Variants in IRAK1BP1 observed in about 807,000 individuals in gnomAD.
IRAK1BP1 encodes the protein interleukin-1 receptor-associated kinase 1-binding protein 1.
IRAK1BP1 carries 24 observed loss-of-function variants against 28.0 expected under a neutral mutation model. The observed-to-expected ratio is 0.86, with a 90% CI of 0.62 to 1.20. IRAK1BP1 has a LOEUF of 1.20. IRAK1BP1 is among the 50% of genes most tolerant of loss of function. IRAK1BP1 has a pLI of 0.00. For synonymous variants in IRAK1BP1, 131 were observed against 116.3 expected, an observed-to-expected ratio of 1.13 and a Z score of -0.81; for missense variants, 336 against 316.7, an observed-to-expected ratio of 1.06 and a Z score of -0.46.
At chr6:78,974,490 T>A in the IRAK1BP1 span, among the ~76,000 whole-genome samples, 1 of 151,256 alleles carries the variant, frequency 6.6e-6, no homozygotes, top group African/African-American at 2.4e-5. Context: ...AGCAAACACA[T>A]TCAAAAGCTA....
chr6:78,926,577 A>C (rs912371153), intron 4 of IRAK1BP1, among the ~76,000 whole-genome samples: 1 of 152,110 alleles, frequency 6.6e-6, no homozygotes, highest in Non-Finnish European at 1.5e-5. Flanking sequence ...AGGAATTTAA[A>C]AATATACAAT....
chr6:78,884,264 C>A (rs1196042926), intron 1 of IRAK1BP1, among the ~76,000 whole-genome samples: 1 of 152,032 alleles, frequency 6.6e-6, no homozygotes, highest in Admixed American at 6.6e-5. Flanking sequence ...GCAACCATGT[C>A]TTCTTCAAAT....
chr6:78,943,729 G>A (rs778918097), intron 4 of IRAK1BP1, among the ~76,000 whole-genome samples: 1 of 152,092 alleles, frequency 6.6e-6, no homozygotes, highest in Non-Finnish European at 1.5e-5. Flanking sequence ...GCTCACATCT[G>A]AAATCACAAT....
At chr6:78,919,625 T>C (rs961970324) in intron 4 of IRAK1BP1, among the ~76,000 whole-genome samples, 5 of 152,000 alleles carry the variant, frequency 3.3e-5, no homozygotes, top group South Asian at 2.1e-4. Flanking sequence ...AAATACAACC[T>C]CCCAAGAGTG....
chr6:78,965,679 A>G, the IRAK1BP1 span: 4 of 1,369,460 alleles, frequency 2.9e-6, no homozygotes, highest in East Asian at 4.6e-5. Context: ...TAATGGAGAA[A>G]CAAAAAGCCT....
intron 1 of IRAK1BP1, among the ~76,000 whole-genome samples, chr6:78,870,537 A>G (rs571717148): frequency 4.9e-4 from 74 of 152,352 alleles, no homozygotes; most frequent in Admixed American, 1.8e-3. Context: ...TGAAACAATA[A>G]GTGAACAAAT....
intron 1 of IRAK1BP1, chr6:78,872,168 C>G (rs1770816427): frequency 2.9e-6 from 2 of 695,934 alleles, no homozygotes; most frequent in Non-Finnish European, 2.6e-6. Context: ...TAGAGTTTCT[C>G]TGCAGGATTA....
chr6:78,909,617 C>G (rs1772352380), intron 4 of IRAK1BP1, among the ~76,000 whole-genome samples: 1 of 152,204 alleles, frequency 6.6e-6, no homozygotes, highest in African/African-American at 2.4e-5. Context: ...CCACATTTCA[C>G]TAGGAGAAGG....
At chr6:78,951,044 G>A (rs759541595), downstream of IRAK1BP1, among the ~76,000 whole-genome samples, 10 of 152,008 alleles carry the variant, frequency 6.6e-5, no homozygotes, top group African/African-American at 9.7e-5. Context: ...TACTGAATTT[G>A]TTTTAATTGA....
chr6:78,927,041 C>T (rs919855639), intron 4 of IRAK1BP1, among the ~76,000 whole-genome samples: 4 of 151,996 alleles, frequency 2.6e-5, no homozygotes, highest in African/African-American at 9.7e-5. Flanking sequence ...ATACTGATTT[C>T]CTTTTTTTTT....
chr6:78,873,287 T>C (rs1770860113), intron 1 of IRAK1BP1, among the ~76,000 whole-genome samples: 2 of 146,280 alleles, frequency 1.4e-5, no homozygotes, highest in South Asian at 4.3e-4. Flanking sequence ...AAAAAGATTG[T>C]AAATAACCTG....
At chr6:78,918,705 A>G (rs1310575560) in intron 4 of IRAK1BP1, among the ~76,000 whole-genome samples, 1 of 152,142 alleles carries the variant, frequency 6.6e-6, no homozygotes, top group African/African-American at 2.4e-5. Flanking sequence ...GATTCATAAA[A>G]CAAATACTTC....
chr6:78,966,151 G>A, the IRAK1BP1 span: 10 of 748,380 alleles, frequency 1.3e-5, no homozygotes, highest in Non-Finnish European at 2.1e-5. Flanking sequence ...TAAACTGCCT[G>A]TATGATTTCA....
chr6:78,963,817 G>A, the IRAK1BP1 span, among the ~76,000 whole-genome samples: 12 of 152,256 alleles, frequency 7.9e-5, no homozygotes, highest in East Asian at 1.9e-4. Context: ...ATCTAGAAAC[G>A]TGCTAGGTAA....
chr6:78,914,804 G>T lies in IRAK1BP1; in HGVS notation c.*67+11694G>T, dbSNP rs552765844. The stretch of plus-strand genomic sequence containing the variant: ...TAATACTAACAAGTTACAGGTTTTT[G>T]GTTTTGTTTTGTTTTTATTTTGTTT... On this transcript the variant is annotated intron_variant and NMD_transcript_variant, in intron 4 of 4. Transcript: ENST00000606868. Among the ~76,000 whole-genome samples, 11 of 152,026 alleles carry T rather than the reference G, an allele frequency of 7.2e-5. No individual in the cohort carries two copies. The East Asian group carries it at 2.1e-3, about 29-fold the overall frequency.
chr6:78,903,575 T>C (rs955540382), downstream of IRAK1BP1, among the ~76,000 whole-genome samples: 1 of 151,866 alleles, frequency 6.6e-6, no homozygotes, highest in Non-Finnish European at 1.5e-5. Flanking sequence ...AAAAATAATT[T>C]ACACACTAAA....
At chr6:78,878,332 G>C (rs542383786) in intron 1 of IRAK1BP1, among the ~76,000 whole-genome samples, 1 of 152,338 alleles carries the variant, frequency 6.6e-6, no homozygotes, top group Admixed American at 6.5e-5. Flanking sequence ...AACGTTTGCT[G>C]TTCTGCAGTA....
chr6:78,921,429 G>A (rs1197513856), intron 4 of IRAK1BP1, among the ~76,000 whole-genome samples: 5 of 152,236 alleles, frequency 3.3e-5, no homozygotes, highest in Admixed American at 2.0e-4. Context: ...CAACCGGGAA[G>A]CTCGAACTGG....
At chr6:78,961,939 A>G in the IRAK1BP1 span, 5 of 681,542 alleles carry the variant, frequency 7.3e-6, no homozygotes, top group East Asian at 1.2e-4. Context: ...GTCTTTTCAT[A>G]AACAATATAG....
Sources: gnomAD v4.1 joint callset for allele counts (sites outside exome capture counted in the v4.1 genomes callset) on GRCh38, gnomAD v4.1.1 for gene constraint, MANE v1.5 for transcripts, NCBI Gene and HGNC (gene_info 2026-07-23, HGNC 2026-07-21) for gene names.